The following PPM1B variants were observed in gnomAD, a reference collection of about 807,000 sequenced individuals.
PPM1B encodes protein phosphatase, Mg2+/Mn2+ dependent 1B, also known as protein phosphatase 1B.
In PPM1B, 22 loss-of-function variants were observed where a neutral mutation model predicts 43.0. That is an observed-to-expected ratio of 0.51 (90% CI 0.37 to 0.73). PPM1B has a LOEUF of 0.73. PPM1B is among the 30% of genes least tolerant of loss of function. PPM1B has a pLI of 0.00. For synonymous variants in PPM1B, 217 were observed against 197.9 expected, an observed-to-expected ratio of 1.10 and a Z score of -0.81; for missense variants, 632 against 584.2, an observed-to-expected ratio of 1.08 and a Z score of -0.84.
chr2:44,193,825 C>T (rs1254174359), intron 1 of PPM1B, among the ~76,000 whole-genome samples: 5 of 151,976 alleles, frequency 3.3e-5, no homozygotes, highest in Non-Finnish European at 5.9e-5. Context: ...GTGATCCACC[C>T]GCCTCGGCCT....
At chr2:44,232,396 C>G (rs904868308), downstream of PPM1B, 2 of 1,593,032 alleles carry the variant, frequency 1.3e-6, no homozygotes, top group East Asian at 2.3e-5. Context: ...GGGGAAAAAA[C>G]TTTTAATCAC....
In PPM1B at chr2:44,241,089, C is replaced by T. The variant is rs1348199195; in HGVS notation, n.1547-3139C>T. Reference sequence around the variant, plus strand: ...CGCGATCTTGGCTCACTGCAACTTCCGCCTCCCGGGTTCAAGTGATTCTCC... The same window carrying T: ...CGCGATCTTGGCTCACTGCAACTTCTGCCTCCCGGGTTCAAGTGATTCTCC... On this transcript the variant is annotated intron_variant and non_coding_transcript_variant, in intron 5 of 5. Coordinates refer to the PPM1B transcript ENST00000378540. 2.1e-5 allele frequency among the ~76,000 whole-genome samples: 3 copies of T among 143,468 alleles called. 1 individual carries two copies. The highest frequency in any genetic ancestry group is 4.2e-4 in the East Asian group (2 of 4,738). The allele number at this position is 143,468 out of a possible 152,430, so 94.1% of individuals were successfully genotyped here. A position where few individuals can be genotyped will look rare whatever the true frequency, so the allele number is the denominator to read the frequency against.
chr2:44,244,848 C>G (rs1231874191), downstream of PPM1B, among the ~76,000 whole-genome samples: 2 of 131,846 alleles, frequency 1.5e-5, no homozygotes, highest in Non-Finnish European at 3.3e-5. Context: ...TACACACACA[C>G]ACACATATAT....
At chr2:44,235,369 C>T (rs907094666), downstream of PPM1B, among the ~76,000 whole-genome samples, 1 of 151,942 alleles carries the variant, frequency 6.6e-6, no homozygotes, top group Non-Finnish European at 1.5e-5. Flanking sequence ...TTTGGGAGGC[C>T]GAGGCAGGCA....
At chr2:44,180,205 C>T (rs969401029) in intron 1 of PPM1B, among the ~76,000 whole-genome samples, 4 of 152,064 alleles carry the variant, frequency 2.6e-5, no homozygotes, top group Admixed American at 1.3e-4. Flanking sequence ...ATATTTCTCC[C>T]TTTGTTTTGC....
intron 5 of PPM1B, among the ~76,000 whole-genome samples, chr2:44,227,625 T>G (rs1361609170): frequency 4.6e-5 from 7 of 151,256 alleles, no homozygotes; most frequent in African/African-American, 1.7e-4. Context: ...TTCAAGCAAT[T>G]CTCCTGCCTC....
At chr2:44,230,163 A>G in intron 5 of PPM1B, 1 of 1,434,100 alleles carries the variant, frequency 7.0e-7, no homozygotes, top group Non-Finnish European at 9.1e-7. Flanking sequence ...TAAATTTCAG[A>G]TTAAACTTTA....
downstream of PPM1B, chr2:44,232,473 A>G (rs1419454044): frequency 6.5e-7 from 1 of 1,528,610 alleles, no homozygotes; most frequent in South Asian, 1.3e-5. Context: ...TGAGCAGAAA[A>G]TCATTAGCAT....
At position 44,178,472 on chromosome 2, in the gene PPM1B, A is replaced by ATTTT. The variant is rs1312865423; in HGVS notation, c.-15+9199_-15+9200insTTTT. Reference sequence around the variant, plus strand: ...TATATGTATATATATATATATATATATATTTTTTTTTTTAGACAGAGTTTC... The same window carrying ATTTT: ...TATATGTATATATATATATATATATATTTTTATTTTTTTTTTTAGACAGAGTTTC... On this transcript the variant is annotated intron_variant, in intron 1 of 5. Coordinates refer to ENST00000282412, the MANE Select transcript of PPM1B (RefSeq NM_002706.6). Among the ~76,000 whole-genome samples, 6 of 71,250 alleles carry ATTTT rather than the reference A, an allele frequency of 8.4e-5. No homozygotes were observed. The East Asian group carries it at 2.5e-3, about 29-fold the overall frequency. The allele number at this position is 71,250 out of a possible 152,430, so 46.7% of individuals were successfully genotyped here.
In PPM1B at chr2:44,230,781, T is replaced by C. The variant is rs141710739; in HGVS notation, c.*63T>C. ...TTTTTAACCTAGGAAGTGTAATGTA[T>C]GCATTTATATAACTGTTTTGTTATT... On this transcript the variant is annotated 3_prime_UTR_variant, in exon 6 of 6. Transcript: ENST00000282412. 5.6e-3 allele frequency: 8,664 copies of C among 1,537,764 alleles called. 749 individuals are homozygous for C. The Admixed American group carries it at 0.16, about 28-fold the overall frequency.
chr2:44,238,628 G>A (rs1473737649), downstream of PPM1B, among the ~76,000 whole-genome samples: 1 of 152,046 alleles, frequency 6.6e-6, no homozygotes, highest in Non-Finnish European at 1.5e-5. Flanking sequence ...CTTGAACCTG[G>A]GAGGCGGAGG....
intron 5 of PPM1B, among the ~76,000 whole-genome samples, chr2:44,229,230 A>G (rs1468406692): frequency 6.6e-6 from 1 of 151,994 alleles, no homozygotes; most frequent in Non-Finnish European, 1.5e-5. Context: ...CCATAATACC[A>G]TTATTATACC....
chr2:44,230,011 T>G, intron 5 of PPM1B: 1 of 1,592,440 alleles, frequency 6.3e-7, no homozygotes, highest in Non-Finnish European at 8.6e-7. Flanking sequence ...ATGAAGAAAC[T>G]GTTCTGATGG....
At chr2:44,206,953 C>A (rs1669220479) in intron 2 of PPM1B, among the ~76,000 whole-genome samples, 1 of 152,094 alleles carries the variant, frequency 6.6e-6, no homozygotes, top group South Asian at 2.1e-4. Flanking sequence ...CAAGTATATT[C>A]ATATAACCAA....
At chr2:44,197,592 C>T (rs529980491) in intron 1 of PPM1B, among the ~76,000 whole-genome samples, 3 of 152,200 alleles carry the variant, frequency 2.0e-5, no homozygotes, top group African/African-American at 7.2e-5. Flanking sequence ...GCCTTTTGAG[C>T]CCCTGAACAT....
At chr2:44,226,977 TG>T (rs1162758656) in intron 5 of PPM1B, among the ~76,000 whole-genome samples, 14,786 of 144,136 alleles carry the variant, frequency 0.1, 964 homozygotes, top group Non-Finnish European at 0.14. Context: ...TATTTATGAA[TG>T]AATGAATGAA....
intron 1 of PPM1B, among the ~76,000 whole-genome samples, chr2:44,178,474 A>AT (rs57257505): frequency 4.1e-4 from 55 of 135,314 alleles, no homozygotes; most frequent in African/African-American, 7.8e-4. Context: ...ATATATATAT[A>AT]TTTTTTTTTT....
intron 5 of PPM1B, among the ~76,000 whole-genome samples, chr2:44,242,155 GC>G (rs1311179014): frequency 6.6e-6 from 1 of 152,098 alleles, no homozygotes; most frequent in Non-Finnish European, 1.5e-5. Flanking sequence ...ACCACGCCTG[GC>G]CAGAAAATAA....
intron 3 of PPM1B, among the ~76,000 whole-genome samples, chr2:44,211,869 C>G (rs1669485827): frequency 6.6e-6 from 1 of 151,562 alleles, no homozygotes; most frequent in African/African-American, 2.4e-5. Flanking sequence ...CCTGCCTCAC[C>G]CTTCTGAGTA....
Sources: allele counts gnomAD v4.1 joint callset (sites outside exome capture counted in the v4.1 genomes callset), GRCh38; gene constraint gnomAD v4.1.1; transcripts MANE v1.5; gene names NCBI Gene and HGNC (gene_info 2026-07-23, HGNC 2026-07-21).